The following LAMA4 variants were observed in gnomAD, a reference collection of about 807,000 sequenced individuals.
LAMA4 encodes laminin subunit alpha 4.
A neutral mutation model predicts 207.1 loss-of-function variants in LAMA4; 127 were observed. The observed-to-expected ratio is 0.61, with a 90% CI of 0.53 to 0.71. LAMA4 has a LOEUF of 0.71. Ranked by LOEUF, LAMA4 falls within the 30% of genes least tolerant of loss-of-function variation. LAMA4 has a pLI of 0.00. For synonymous variants in LAMA4, 761 were observed against 816.0 expected, an observed-to-expected ratio of 0.93 and a Z score of 1.15; for missense variants, 2,093 against 2,246.5, an observed-to-expected ratio of 0.93 and a Z score of 1.38.
chr6:112,114,269 T>C, intron 37 of LAMA4, 74 bp from the exon 38 acceptor site: 1 of 1,444,742 alleles, frequency 6.9e-7, no homozygotes, highest in Non-Finnish European at 9.7e-7. Context: ...AGACTATTTA[T>C]CACAGCAATT....
At chr6:112,171,912 G>A (rs1332481770) in intron 12 of LAMA4, 1 of 152,346 alleles carries the variant, frequency 6.6e-6, no homozygotes, top group Non-Finnish European at 1.5e-5. Context: ...CTCATAATTG[G>A]TTTCTATTTG....
rs1554329009 is a variant in LAMA4, at chr6:112,129,878, G to C, written c.4131C>G (p.Thr1377=). The change falls in exon 30 of 39, where the codon ACC becomes ACG. Residue 1377 remains threonine, a splice_region_variant and synonymous_variant. Coordinates refer to ENST00000230538, the MANE Select transcript of LAMA4 (RefSeq NM_001105206.3). The part of the protein sequence containing the change: ...FTGCISNAYF[T]RVDRDVEVED... ...CATTAATAATAAAAATATTATACCT[G>C]GTAAAGTAGGCATTACTTATGCAGC... The C allele has an allele frequency of 6.3e-7, 1 of 1,583,218 alleles. No homozygotes were observed. The highest frequency in any genetic ancestry group is 8.6e-7 in the Non-Finnish European group (1 of 1,160,604).
At chr6:112,215,252 A>G (rs969014749) in intron 3 of LAMA4, among the ~76,000 whole-genome samples, 6 of 152,208 alleles carry the variant, frequency 3.9e-5, no homozygotes, top group Non-Finnish European at 5.9e-5. Context: ...GAAAACAAAT[A>G]TCAGGACTAA....
At chr6:112,154,733 A>G (rs1051237570) in intron 16 of LAMA4, 118 bp downstream of exon 16, 1 of 749,724 alleles carries the variant, frequency 1.3e-6, no homozygotes, top group Non-Finnish European at 2.4e-6. Context: ...AACTACTGAT[A>G]TGTTATGTAG....
intron 9 of LAMA4, among the ~76,000 whole-genome samples, chr6:112,182,146 T>A (rs1050206657): frequency 6.6e-6 from 1 of 151,256 alleles, no homozygotes; most frequent in Non-Finnish European, 1.5e-5. Context: ...TATATACAGA[T>A]GTTCAATAAT....
intron 29 of LAMA4, 72 bp downstream of exon 29, chr6:112,130,896 C>T: frequency 6.7e-7 from 1 of 1,501,350 alleles, no homozygotes; most frequent in Non-Finnish European, 9.3e-7. Flanking sequence ...GCCTATTATT[C>T]ATAGTGGTTT....
In LAMA4 at chr6:112,129,035, T is replaced by C; in HGVS notation, c.4174A>G (p.Thr1392Ala). 6.2e-7 allele frequency: 1 copy of C among 1,612,922 alleles called. No individual in the cohort carries two copies. The highest frequency in any genetic ancestry group is 1.3e-5 in the African/African-American group (1 of 75,002). Residue 1392 changes from threonine (T) to alanine (A), a missense_variant, in exon 31 of 39, where the codon ACT (threonine) becomes GCT (alanine). Around this residue, in one of 3 missense-constraint regions of LAMA4, gnomAD observed 1,704 missense variants for 1,788.4 expected, o/e 0.95. Coordinates refer to ENST00000230538, the MANE Select transcript of LAMA4 (RefSeq NM_001105206.3). ...DVEVEDFQRY[T>A]EKVHTSLYEC... ...TAAAGAGAAGTGTGGACCTTTTCAG[T>C]ATACCGTTGGAAATCTTCAACCTCC...
chr6:112,253,012 T>C (rs1787571110), intron 2 of LAMA4, among the ~76,000 whole-genome samples: 1 of 152,358 alleles, frequency 6.6e-6, no homozygotes, highest in South Asian at 2.1e-4. Flanking sequence ...ATTAACAGAA[T>C]TCATAGCAAT....
chr6:112,190,921 TTC>T (rs1491352242), intron 6 of LAMA4, among the ~76,000 whole-genome samples: 3 of 104,332 alleles, frequency 2.9e-5, no homozygotes, highest in African/African-American at 1.1e-4. Context: ...CTTTCTTTCT[TTC>T]TTTCTTTCTT....
Position 112,254,180 on chromosome 6 carries a change from C to T in LAMA4, c.-30G>A, listed in dbSNP as rs1554190615. On this transcript the variant is annotated 5_prime_UTR_variant, in exon 2 of 39. An upstream open reading frame in the 5' UTR gains an earlier in-frame stop. Transcript: ENST00000230538. ...CCGCTGACATCCAGTAGTGCTCTTCCAGGGCTCGGGCGCTGTGGGTCTCCG... is the reference window on the plus strand; with the variant it reads ...CCGCTGACATCCAGTAGTGCTCTTCTAGGGCTCGGGCGCTGTGGGTCTCCG... The T allele has an allele frequency of 6.2e-7, 1 of 1,611,722 alleles. No homozygotes were observed. The highest frequency in any genetic ancestry group is 1.1e-5 in the South Asian group (1 of 90,688).
intron 2 of LAMA4, among the ~76,000 whole-genome samples, chr6:112,232,970 CA>C (rs1554364847): frequency 6.6e-6 from 1 of 152,148 alleles, no homozygotes; most frequent in African/African-American, 2.4e-5. Context: ...AGCAACAGCC[CA>C]GATTTAGAGA....
At chr6:112,154,764 C>T in intron 16 of LAMA4, 87 bp downstream of exon 16, 2 of 858,022 alleles carry the variant, frequency 2.3e-6, no homozygotes, top group Non-Finnish European at 4.1e-6. Flanking sequence ...ATTCTTTAAT[C>T]CTAGATTTGG....
intron 13 of LAMA4, 144 bp downstream of exon 13, chr6:112,165,016 T>A: frequency 1.4e-6 from 1 of 722,558 alleles, no homozygotes. Context: ...CATCGTACAG[T>A]GCAAGAAACT....
chr6:112,204,506 G>A (rs1435122436), intron 4 of LAMA4, among the ~76,000 whole-genome samples: 4 of 151,176 alleles, frequency 2.6e-5, no homozygotes, highest in Admixed American at 6.6e-5. Context: ...GCAGCTCGAC[G>A]CCTATAAACC....
intron 3 of LAMA4, among the ~76,000 whole-genome samples, chr6:112,212,867 A>C (rs1784428040): frequency 1.3e-5 from 2 of 152,232 alleles, no homozygotes; most frequent in South Asian, 4.1e-4. Flanking sequence ...TTAGTCTTAC[A>C]GGGACTTATA....
At chr6:112,149,550 C>T (rs1400629485) in intron 17 of LAMA4, among the ~76,000 whole-genome samples, 1 of 152,176 alleles carries the variant, frequency 6.6e-6, no homozygotes, top group Non-Finnish European at 1.5e-5. Flanking sequence ...CAATCATTCT[C>T]TCTCCTGTCA....
At chr6:112,219,622 C>G (rs1235769222) in intron 2 of LAMA4, 1 of 152,174 alleles carries the variant, frequency 6.6e-6, no homozygotes, top group Non-Finnish European at 1.5e-5. Context: ...TGTCATACAA[C>G]TCCAAGAGTT....
chr6:112,120,492 G>A lies in LAMA4; in HGVS notation c.4476-20C>T. On this transcript the variant is annotated intron_variant, in intron 32 of 38. Transcript: ENST00000230538. ...TGAGATCTGGTAAATGAAAAGAAAG[G>A]GATTACCATATGTAAAATGAGACTG... 1.9e-6 allele frequency: 3 copies of A among 1,580,690 alleles called. No individual in the cohort carries two copies. Among genetic ancestry groups the A allele is most frequent in the Admixed American group, 1.7e-5 (1 of 59,888 alleles).
chr6:112,141,750 T>C (rs1779710414), intron 20 of LAMA4, among the ~76,000 whole-genome samples: 1 of 152,182 alleles, frequency 6.6e-6, no homozygotes, highest in South Asian at 2.1e-4. Flanking sequence ...AGGAATGGGC[T>C]AATTTTGTGA....
Sources: allele counts gnomAD v4.1 joint callset (sites outside exome capture counted in the v4.1 genomes callset), GRCh38; gene constraint gnomAD v4.1.1; regional missense constraint gnomAD v4.1.1; transcripts MANE v1.5; gene names NCBI Gene and HGNC (gene_info 2026-07-23, HGNC 2026-07-21).